Variants in MGAT4C observed in about 807,000 individuals in gnomAD.
The protein encoded by MGAT4C is MGAT4 family member C, also known as alpha-1,3-mannosyl-glycoprotein 4-beta-N-acetylglucosaminyltransferase C.
A neutral mutation model predicts 40.1 loss-of-function variants in MGAT4C; 19 were observed. The ratio of observed to expected loss-of-function variants is 0.47; its 90% CI spans 0.33 to 0.70. The LOEUF is 0.70. Ranked by LOEUF, MGAT4C falls within the 30% of genes least tolerant of loss-of-function variation. The probability of loss-of-function intolerance (pLI) is 0.02; values close to 1 mark genes in which losing one functional copy is unlikely to be tolerated. For missense variants in MGAT4C, 491 were observed against 563.2 expected (o/e 0.87, Z 1.30); for synonymous variants, 181 against 187.1 (o/e 0.97, Z 0.27).
intron 1 of MGAT4C, among the ~76,000 whole-genome samples, chr12:86,804,735 A>G (rs1166434461): frequency 6.6e-6 from 1 of 152,060 alleles, no homozygotes; most frequent in Non-Finnish European, 1.5e-5. Context: ...AAGCCATCAA[A>G]GAAATTTGCA....
chr12:86,092,427 T>C (rs1337431464), intron 1 of MGAT4C, among the ~76,000 whole-genome samples: 1 of 152,088 alleles, frequency 6.6e-6, no homozygotes, highest in African/African-American at 2.4e-5. Flanking sequence ...TCCTATTGTT[T>C]ATCTGAGGCC....
rs145788392 is a variant in MGAT4C, at chr12:86,516,064, A to C, written c.-228-80799T>G. On this transcript the variant is annotated intron_variant, in intron 2 of 7. Transcript: ENST00000548651. Reference sequence around the variant, plus strand: ...CGGCCCATTTAAAGCAATTCTTATCAAAATCCTAGCCAACATTTTTTTTTC... The same window carrying C: ...CGGCCCATTTAAAGCAATTCTTATCCAAATCCTAGCCAACATTTTTTTTTC... Among the ~76,000 whole-genome samples, 1,211 of 152,120 alleles carry C rather than the reference A, an allele frequency of 8.0e-3. 9 individuals are homozygous for C. The highest frequency in any genetic ancestry group is 0.025 in the South Asian group (120 of 4,822).
chr12:86,437,524 T>G (rs1957156788), intron 2 of MGAT4C, among the ~76,000 whole-genome samples: 1 of 151,946 alleles, frequency 6.6e-6, no homozygotes, highest in African/African-American at 2.4e-5. Flanking sequence ...TAGTATTTAT[T>G]TGTTCTAGTT....
chr12:86,738,128 A>T (rs1369583447), intron 1 of MGAT4C, among the ~76,000 whole-genome samples: 2 of 151,320 alleles, frequency 1.3e-5, no homozygotes, highest in Admixed American at 1.3e-4. Context: ...CTACCACAAC[A>T]TTTGTACTCA....
chr12:86,054,289 T>C (rs1893178178), intron 1 of MGAT4C, among the ~76,000 whole-genome samples: 1 of 151,978 alleles, frequency 6.6e-6, no homozygotes, highest in Non-Finnish European at 1.5e-5. Context: ...ACCCAGAGGA[T>C]ATTGTGCTAA....
At chr12:86,063,032 A>G (rs1442642764) in intron 1 of MGAT4C, among the ~76,000 whole-genome samples, 3 of 152,130 alleles carry the variant, frequency 2.0e-5, no homozygotes, top group Non-Finnish European at 4.4e-5. Context: ...GAACACCACA[A>G]AGATACTCTT....
chr12:86,436,228 A>G (rs1565761266), intron 2 of MGAT4C, among the ~76,000 whole-genome samples: 1 of 150,780 alleles, frequency 6.6e-6, no homozygotes, highest in Non-Finnish European at 1.5e-5. Flanking sequence ...AGATTAAGCA[A>G]GTGCAACAAA....
At chr12:86,381,238 T>A (rs1470914651) in intron 3 of MGAT4C, among the ~76,000 whole-genome samples, 3 of 152,198 alleles carry the variant, frequency 2.0e-5, no homozygotes, top group African/African-American at 7.2e-5. Context: ...CAAAAGGGGT[T>A]ACTGCAGTAT....
chr12:86,435,321 T>A (rs1282171174), intron 2 of MGAT4C: 2 of 151,948 alleles, frequency 1.3e-5, no homozygotes, highest in Non-Finnish European at 2.9e-5. Context: ...ACATTCATCA[T>A]GATGGCACTT....
At chr12:86,111,858 T>A (rs1011415010) in intron 1 of MGAT4C, among the ~76,000 whole-genome samples, 4 of 151,858 alleles carry the variant, frequency 2.6e-5, no homozygotes, top group African/African-American at 9.7e-5. Context: ...ATCTTTTCGA[T>A]CTTTCTGTAA....
intron 2 of MGAT4C, among the ~76,000 whole-genome samples, chr12:86,026,922 G>A (rs543487204): frequency 1.4e-4 from 22 of 151,946 alleles, no homozygotes; most frequent in African/African-American, 4.1e-4. Flanking sequence ...TTTGTGTATC[G>A]TACCATTTAC....
At chr12:86,753,180 T>G (rs1030583427) in intron 1 of MGAT4C, among the ~76,000 whole-genome samples, 1 of 152,116 alleles carries the variant, frequency 6.6e-6, no homozygotes, top group Non-Finnish European at 1.5e-5. Flanking sequence ...CAAGGTAACA[T>G]GTCCATAATG....
chr12:86,516,849 A>C (rs1353477617), intron 2 of MGAT4C, among the ~76,000 whole-genome samples: 2 of 152,200 alleles, frequency 1.3e-5, no homozygotes, highest in African/African-American at 4.8e-5. Flanking sequence ...TACCCATTAT[A>C]ATAGCTTAAA....
intron 3 of MGAT4C, among the ~76,000 whole-genome samples, chr12:86,343,075 G>T (rs1377735246): frequency 2.0e-5 from 3 of 152,096 alleles, no homozygotes; most frequent in African/African-American, 7.2e-5. Flanking sequence ...AACGACTCAG[G>T]ATTCTTGCTG....
intron 1 of MGAT4C, among the ~76,000 whole-genome samples, chr12:86,780,015 A>C (rs1248690687): frequency 6.6e-6 from 1 of 151,994 alleles, no homozygotes; most frequent in Non-Finnish European, 1.5e-5. Flanking sequence ...AATGCAATAC[A>C]GCTTTCCTAT....
At chr12:86,626,866 G>T (rs898806024) in intron 2 of MGAT4C, among the ~76,000 whole-genome samples, 2 of 152,174 alleles carry the variant, frequency 1.3e-5, no homozygotes, top group African/African-American at 4.8e-5. Context: ...ATTAGGACTG[G>T]TTGGACAGTG....
In MGAT4C at chr12:85,995,552, A is replaced by G. The variant is rs1456633389; in HGVS notation, c.-6-6000T>C. On this transcript the variant is annotated intron_variant, in intron 2 of 4. Coordinates refer to ENST00000611864, the MANE Select transcript of MGAT4C (RefSeq NM_001351288.2). ...ATCAGCCAGCAAACTTGGACTGGAC[A>G]TTAAAAAACTGGACATTAAAAAGAA... is the stretch of plus-strand genomic sequence containing the variant. 6.8e-5 allele frequency among the ~76,000 whole-genome samples: 9 copies of G among 131,674 alleles called. No individual in the cohort carries two copies. The East Asian group carries it at 1.7e-3, about 25-fold the overall frequency. The allele number at this position is 131,674 out of a possible 152,430, so 86.4% of individuals were successfully genotyped here.
chr12:86,346,392 T>C (rs2136188294), intron 3 of MGAT4C, among the ~76,000 whole-genome samples: 1 of 152,096 alleles, frequency 6.6e-6, no homozygotes, highest in East Asian at 1.9e-4. Flanking sequence ...GCCCGACTAA[T>C]TTTTGTATTT....
chr12:86,520,967 T>C (rs531322706), intron 2 of MGAT4C, among the ~76,000 whole-genome samples: 1 of 152,342 alleles, frequency 6.6e-6, no homozygotes, highest in East Asian at 1.9e-4. Context: ...TGCTGGATAT[T>C]AGACACTTGC....
Sources: gnomAD v4.1 joint callset for allele counts (sites outside exome capture counted in the v4.1 genomes callset) on GRCh38, gnomAD v4.1.1 for gene constraint, MANE v1.5 for transcripts, NCBI Gene and HGNC (gene_info 2026-07-23, HGNC 2026-07-21) for gene names.